CAMK1D: variants seen among roughly 807,000 people sequenced by gnomAD.
CAMK1D encodes the protein calcium/calmodulin-dependent protein kinase type 1D.
Under a neutral mutation model 47.7 loss-of-function variants are expected in CAMK1D, and 9 were observed. That is an observed-to-expected ratio of 0.19 (90% CI 0.11 to 0.33). The LOEUF is 0.33. Among genes scored for constraint, CAMK1D ranks in the 10% least tolerant of loss-of-function variants. The probability of loss-of-function intolerance (pLI) is 1.00; values close to 1 mark genes in which losing one functional copy is unlikely to be tolerated. For synonymous variants in CAMK1D, 184 were observed against 184.9 expected (o/e 0.99, Z 0.04); for missense variants, 291 against 488.7 (o/e 0.60, Z 3.81).
chr10:12,671,686 A>T (rs548143858), intron 3 of CAMK1D, among the ~76,000 whole-genome samples: 17 of 151,378 alleles, frequency 1.1e-4, no homozygotes, highest in South Asian at 4.2e-4. Flanking sequence ...CCTTTGTAAA[A>T]TTAATTTGTC....
chr10:12,494,707 G>A (rs1834485403), intron 1 of CAMK1D, among the ~76,000 whole-genome samples: 1 of 152,176 alleles, frequency 6.6e-6, no homozygotes, highest in African/African-American at 2.4e-5. Context: ...TGGGACTACA[G>A]GCATGTGCCA....
intron 2 of CAMK1D, among the ~76,000 whole-genome samples, chr10:12,665,918 A>T (rs1840415240): frequency 6.6e-6 from 1 of 152,228 alleles, no homozygotes; most frequent in African/African-American, 2.4e-5. Flanking sequence ...CTGCACGTTG[A>T]AGTTTGAGCA....
At chr10:12,401,936 C>T (rs1175653532) in intron 1 of CAMK1D, among the ~76,000 whole-genome samples, 1 of 151,664 alleles carries the variant, frequency 6.6e-6, no homozygotes, top group Non-Finnish European at 1.5e-5. Flanking sequence ...TGCTCTGTCA[C>T]CCAGGCTGGA....
intron 2 of CAMK1D, among the ~76,000 whole-genome samples, chr10:12,648,406 T>G (rs1839869638): frequency 1.3e-5 from 2 of 152,220 alleles, no homozygotes; most frequent in African/African-American, 4.8e-5. Flanking sequence ...GGGATATTGA[T>G]GATCAGTAAT....
At chr10:12,624,334 G>C (rs564939454) in intron 2 of CAMK1D, among the ~76,000 whole-genome samples, 1 of 152,168 alleles carries the variant, frequency 6.6e-6, no homozygotes, top group South Asian at 2.1e-4. Flanking sequence ...AATGTTGTAA[G>C]GCCGATCTCT....
At chr10:12,735,837 T>TCCAGATA (rs1330302653) in intron 3 of CAMK1D, among the ~76,000 whole-genome samples, 1 of 151,636 alleles carries the variant, frequency 6.6e-6, no homozygotes, top group African/African-American at 2.4e-5. Context: ...CTCCTTGCGC[T>TCCAGATA]CCAGATACTC....
intron 2 of CAMK1D, among the ~76,000 whole-genome samples, chr10:12,636,984 A>AT (rs753883720): frequency 6.6e-6 from 1 of 151,652 alleles, no homozygotes; most frequent in African/African-American, 2.4e-5. Flanking sequence ...TTTTATTTTT[A>AT]TTTTTTTGAT....
chr10:12,422,973 A>G (rs1166751056), intron 1 of CAMK1D, among the ~76,000 whole-genome samples: 2 of 151,322 alleles, frequency 1.3e-5, no homozygotes, highest in East Asian at 2.0e-4. Flanking sequence ...GAGCCCGGCT[A>G]TTGTAATGGG....
chr10:12,603,431 C>T (rs1466890196), intron 2 of CAMK1D, among the ~76,000 whole-genome samples: 4 of 152,172 alleles, frequency 2.6e-5, no homozygotes, highest in Non-Finnish European at 4.4e-5. Flanking sequence ...CATATGGCTT[C>T]AGCCTCTGAA....
chr10:12,468,914 G>A (rs1833669627), intron 1 of CAMK1D, among the ~76,000 whole-genome samples: 1 of 152,166 alleles, frequency 6.6e-6, no homozygotes, highest in Non-Finnish European at 1.5e-5. Context: ...TTGGAGGGCT[G>A]GGGGTGCTTC....
chr10:12,493,278 C>A (rs972481530), intron 1 of CAMK1D, among the ~76,000 whole-genome samples: 3 of 152,100 alleles, frequency 2.0e-5, no homozygotes, highest in Non-Finnish European at 4.4e-5. Flanking sequence ...TGAGACTGGG[C>A]AGGATTACCT....
At chr10:12,681,508 G>A (rs1314614575) in intron 3 of CAMK1D, among the ~76,000 whole-genome samples, 1 of 152,276 alleles carries the variant, frequency 6.6e-6, no homozygotes, top group Non-Finnish European at 1.5e-5. Flanking sequence ...ATTGTCGGAT[G>A]AGTGGCAGCT....
At chr10:12,442,357 T>C (rs547621266) in intron 1 of CAMK1D, among the ~76,000 whole-genome samples, 1 of 152,228 alleles carries the variant, frequency 6.6e-6, no homozygotes, top group Admixed American at 6.5e-5. Context: ...GGCAGGTGCC[T>C]GTAGTCCCAC....
In CAMK1D at chr10:12,494,015, A is replaced by T. The variant is rs532893123; in HGVS notation, c.93-59210A>T. On this transcript the variant is annotated intron_variant, in intron 1 of 10. Transcript: ENST00000619168. ...GGTGGATGGAAGAAGATCATAGGAC[A>T]TTTCTGCTGGGACTTGAGACCTGGG... 1.2e-4 allele frequency among the ~76,000 whole-genome samples: 19 copies of T among 152,246 alleles called. No homozygotes were observed. In the South Asian group the frequency reaches 2.9e-3, roughly 23 times the overall value.
chr10:12,785,255 G>A (rs1172039650), intron 5 of CAMK1D, among the ~76,000 whole-genome samples: 1 of 152,146 alleles, frequency 6.6e-6, no homozygotes, highest in Admixed American at 6.5e-5. Flanking sequence ...CATTTGAGGG[G>A]ATGTGCCTTC....
chr10:12,439,380 C>G (rs908456563), intron 1 of CAMK1D, among the ~76,000 whole-genome samples: 1 of 152,200 alleles, frequency 6.6e-6, no homozygotes, highest in African/African-American at 2.4e-5. Context: ...CAAAATTACT[C>G]TGTGCTCGTG....
intron 2 of CAMK1D, among the ~76,000 whole-genome samples, chr10:12,621,801 T>TTGTG (rs34900693): frequency 4.0e-5 from 6 of 151,524 alleles, no homozygotes; most frequent in Admixed American, 3.3e-4. Flanking sequence ...TTAGTTCTAG[T>TTGTG]TGTGTGTGTG....
At position 12,439,072 on chromosome 10, in the gene CAMK1D, C is replaced by T. The variant is rs574468754; in HGVS notation, c.92+89162C>T. ...TTGCCCGTCACGTGTGGGAGACTGT[C>T]GCCAGGGTAGGACAGACATCAGGCA... On this transcript the variant is annotated intron_variant, in intron 1 of 10. Coordinates refer to ENST00000619168, the MANE Select transcript of CAMK1D (RefSeq NM_153498.4). Among the ~76,000 whole-genome samples, 24 of 152,176 alleles carry T rather than the reference C, an allele frequency of 1.6e-4. 1 individual carries two copies. The highest frequency in any genetic ancestry group is 1.0e-3 in the South Asian group (5 of 4,824).
chr10:12,710,512 G>A (rs1404995690), intron 3 of CAMK1D, among the ~76,000 whole-genome samples: 2 of 152,216 alleles, frequency 1.3e-5, no homozygotes, highest in Non-Finnish European at 2.9e-5. Flanking sequence ...ACAGTCTTTT[G>A]TACGTCAAAG....
Sources: gnomAD v4.1 joint callset for allele counts (sites outside exome capture counted in the v4.1 genomes callset) on GRCh38, gnomAD v4.1.1 for gene constraint, MANE v1.5 for transcripts, NCBI Gene and HGNC (gene_info 2026-07-23, HGNC 2026-07-21) for gene names.